The following DNAH6 variants were observed in gnomAD, a reference collection of about 807,000 sequenced individuals.
DNAH6 encodes axonemal beta dynein heavy chain 6.
Under a neutral mutation model 491.4 loss-of-function variants are expected in DNAH6, and 340 were observed. That is an observed-to-expected ratio of 0.69 (90% CI 0.63 to 0.76). DNAH6 has a LOEUF of 0.76. Ranked by LOEUF, DNAH6 falls within the 30% of genes least tolerant of loss-of-function variation. The pLI is 0.00. For synonymous variants in DNAH6, 1,603 were observed against 1,686.1 expected, an observed-to-expected ratio of 0.95 and a Z score of 1.21; for missense variants, 4,443 against 4,972.2, an observed-to-expected ratio of 0.89 and a Z score of 3.20.
chr2:84,773,903 A>G (rs963584210), intron 64 of DNAH6, among the ~76,000 whole-genome samples: 1 of 151,968 alleles, frequency 6.6e-6, no homozygotes, highest in African/African-American at 2.4e-5. Context: ...GTGTCTATTC[A>G]TATCTTTTGT....
In DNAH6 at chr2:84,570,200, T is replaced by C. The variant is rs80032973; in HGVS notation, c.1804-3267T>C. Among the ~76,000 whole-genome samples the C allele has an allele frequency of 2.5e-3, 382 of 152,240 alleles. 1 individual carries two copies. Among genetic ancestry groups the C allele is most frequent in the Non-Finnish European group, 3.9e-3 (264 of 68,010 alleles). Reference sequence around the variant, plus strand: ...ACATGCCCAAATAACAATGGAGACATGTAAAAAAGACAAAAAGCCACCTCG... The same window carrying C: ...ACATGCCCAAATAACAATGGAGACACGTAAAAAAGACAAAAAGCCACCTCG... On this transcript the variant is annotated intron_variant, in intron 11 of 76. Coordinates refer to ENST00000389394, the MANE Select transcript of DNAH6 (RefSeq NM_001370.2).
intron 22 of DNAH6, among the ~76,000 whole-genome samples, chr2:84,613,627 A>G (rs1261113757): frequency 2.6e-5 from 4 of 152,154 alleles, no homozygotes; most frequent in Non-Finnish European, 5.9e-5. Context: ...TAAAGATGGC[A>G]GAGGATACAG....
intron 76 of DNAH6, among the ~76,000 whole-genome samples, chr2:84,818,483 T>TAAAAA (rs1396895235): frequency 3.4e-4 from 12 of 35,512 alleles, no homozygotes; most frequent in African/African-American, 1.2e-3. Context: ...AGACCCTATC[T>TAAAAA]CAAAAAAAAA....
intron 31 of DNAH6, among the ~76,000 whole-genome samples, chr2:84,639,471 T>G (rs1044510267): frequency 2.0e-5 from 3 of 146,890 alleles, no homozygotes; most frequent in Non-Finnish European, 4.5e-5. Context: ...CAGGCTGGAG[T>G]GCAATGGCAC....
chr2:84,568,538 G>A (rs569716005), intron 11 of DNAH6, among the ~76,000 whole-genome samples: 1 of 152,198 alleles, frequency 6.6e-6, no homozygotes, highest in South Asian at 2.1e-4. Flanking sequence ...ACAGGGAGGG[G>A]AACAACACAC....
chr2:84,726,342 C>T (rs1698627345), intron 60 of DNAH6, among the ~76,000 whole-genome samples: 2 of 152,192 alleles, frequency 1.3e-5, no homozygotes, highest in South Asian at 4.1e-4. Context: ...CAAACACATG[C>T]CCCTCAGGGC....
intron 69 of DNAH6, 86 bp from the exon 70 acceptor site, chr2:84,797,444 GCCACCAT>G (rs1381048442): frequency 2.4e-6 from 3 of 1,253,426 alleles, no homozygotes; most frequent in Non-Finnish European, 3.2e-6. Context: ...GCTGATTGCA[GCCACCAT>G]CTGCACCACA....
chr2:84,805,217 C>T (rs1338861987), intron 70 of DNAH6, among the ~76,000 whole-genome samples: 1 of 152,168 alleles, frequency 6.6e-6, no homozygotes, highest in African/African-American at 2.4e-5. Context: ...CCAATGACCA[C>T]ATTTTACCAA....
intron 69 of DNAH6, among the ~76,000 whole-genome samples, chr2:84,797,282 A>T (rs762820727): frequency 6.6e-6 from 1 of 152,234 alleles, no homozygotes; most frequent in Non-Finnish European, 1.5e-5. Context: ...ATATCCCTGG[A>T]TTCTCCGCAT....
chr2:84,709,219 C>A, intron 54 of DNAH6, 124 bp from the exon 55 acceptor site: 1 of 944,860 alleles, frequency 1.1e-6, no homozygotes, highest in Non-Finnish European at 1.6e-6. Flanking sequence ...GCAAGCACAT[C>A]TGTGGAGACT....
intron 64 of DNAH6, among the ~76,000 whole-genome samples, chr2:84,773,413 G>A (rs1214748196): frequency 6.6e-6 from 1 of 152,062 alleles, no homozygotes; most frequent in South Asian, 2.1e-4. Context: ...TTATGTGGTT[G>A]CATCATATTC....
At chr2:84,558,422 TAAAA>T (rs78113898) in intron 11 of DNAH6, among the ~76,000 whole-genome samples, 1 of 108,964 alleles carries the variant, frequency 9.2e-6, no homozygotes, top group African/African-American at 3.4e-5. Flanking sequence ...AGACTCCATC[TAAAA>T]AAAAAAAAAA....
intron 76 of DNAH6, among the ~76,000 whole-genome samples, chr2:84,817,844 C>A (rs1680640454): frequency 6.6e-6 from 1 of 151,924 alleles, no homozygotes; most frequent in South Asian, 2.1e-4. Context: ...AGGCGCCAGA[C>A]TCTTTAACAA....
chr2:84,769,697 G>C (rs925312200), intron 64 of DNAH6, among the ~76,000 whole-genome samples: 4 of 152,112 alleles, frequency 2.6e-5, no homozygotes, highest in Admixed American at 6.5e-5. Flanking sequence ...CAGTAGAGAG[G>C]TACTACCCTG....
chr2:84,498,717 C>CA, the DNAH6 span, among the ~76,000 whole-genome samples: 1 of 146,726 alleles, frequency 6.8e-6, no homozygotes, highest in African/African-American at 2.5e-5. Flanking sequence ...TCATGTGCTA[C>CA]TTTTTTTTTT....
chr2:84,485,547 A>T, the DNAH6 span, among the ~76,000 whole-genome samples: 1 of 152,088 alleles, frequency 6.6e-6, no homozygotes, highest in Non-Finnish European at 1.5e-5. Context: ...AGTAAGTTGG[A>T]TAGTGGGTGG....
At chr2:84,766,146 A>G (rs1417212296) in intron 64 of DNAH6, among the ~76,000 whole-genome samples, 1 of 152,144 alleles carries the variant, frequency 6.6e-6, no homozygotes, top group Non-Finnish European at 1.5e-5. Flanking sequence ...TCCGATAGAA[A>G]CTGTCATGAA....
At chr2:84,563,645 G>A (rs555635917) in intron 11 of DNAH6, among the ~76,000 whole-genome samples, 71 of 152,042 alleles carry the variant, frequency 4.7e-4, no homozygotes, top group Non-Finnish European at 7.9e-4. Flanking sequence ...CCATTATGTA[G>A]GTTGTGTGTT....
chr2:84,505,045 CAGTTTTCAGCATG>C, the DNAH6 span, among the ~76,000 whole-genome samples: 1 of 152,158 alleles, frequency 6.6e-6, no homozygotes, highest in Non-Finnish European at 1.5e-5. Flanking sequence ...CAATGTTTTT[CAGTTTTCAGCATG>C]AGTCTTGCAT....
Sources: allele counts gnomAD v4.1 joint callset (sites outside exome capture counted in the v4.1 genomes callset), GRCh38; gene constraint gnomAD v4.1.1; transcripts MANE v1.5; gene names NCBI Gene and HGNC (gene_info 2026-07-23, HGNC 2026-07-21).